Variants in PTPRD observed in about 807,000 individuals in gnomAD.
PTPRD encodes receptor-type tyrosine-protein phosphatase delta.
Under a neutral mutation model 214.5 loss-of-function variants are expected in PTPRD, and 34 were observed. The observed-to-expected ratio is 0.16, with a 90% confidence interval of 0.12 to 0.21. PTPRD has a LOEUF of 0.21. PTPRD is among the 10% of genes least tolerant of loss of function. The probability of loss-of-function intolerance (pLI) is 1.00; values close to 1 mark genes in which losing one functional copy is unlikely to be tolerated. For missense variants in PTPRD, 2,545 were observed against 2,398.7 expected, an observed-to-expected ratio of 1.06 and a Z score of -1.27; for synonymous variants, 1,128 against 845.7, an observed-to-expected ratio of 1.33 and a Z score of -5.79.
At chr9:10,114,793 T>C (rs928980435) in intron 3 of PTPRD, among the ~76,000 whole-genome samples, 1 of 152,058 alleles carries the variant, frequency 6.6e-6, no homozygotes, top group Non-Finnish European at 1.5e-5. Context: ...AACATGTTTT[T>C]AATAATACAT....
At chr9:8,962,676 C>A (rs980051907) in intron 11 of PTPRD, 1 of 151,838 alleles carries the variant, frequency 6.6e-6, no homozygotes, top group Non-Finnish European at 1.5e-5. Flanking sequence ...ACTAAAATTA[C>A]CATATTCTAA....
At chr9:10,590,832 A>T (rs113554330) in intron 2 of PTPRD, among the ~76,000 whole-genome samples, 3,218 of 151,802 alleles carry the variant, frequency 0.021, 112 homozygotes, top group African/African-American at 0.073. Context: ...AAACTACATA[A>T]GTCACTATTA....
At chr9:10,307,412 T>C (rs1256484523) in intron 3 of PTPRD, among the ~76,000 whole-genome samples, 3 of 152,114 alleles carry the variant, frequency 2.0e-5, no homozygotes, top group Non-Finnish European at 4.4e-5. Context: ...ACTGTGTTCT[T>C]TCTTATGGCT....
intron 5 of PTPRD, among the ~76,000 whole-genome samples, chr9:9,782,698 G>A (rs544465778): frequency 6.6e-6 from 1 of 152,104 alleles, no homozygotes; most frequent in Non-Finnish European, 1.5e-5. Context: ...GAAACAAAAG[G>A]TTATGTGGGA....
intron 11 of PTPRD, among the ~76,000 whole-genome samples, chr9:8,817,846 T>C (rs2096953691): frequency 6.6e-6 from 1 of 152,170 alleles, no homozygotes; most frequent in Non-Finnish European, 1.5e-5. Context: ...TGACCAGATT[T>C]TGCTCCAAAA....
chr9:8,590,843 C>T (rs1009486467), intron 14 of PTPRD, among the ~76,000 whole-genome samples: 23 of 152,230 alleles, frequency 1.5e-4, no homozygotes, highest in African/African-American at 5.5e-4. Flanking sequence ...GTCACAAACT[C>T]GATGGCTTAA....
intron 5 of PTPRD, among the ~76,000 whole-genome samples, chr9:9,838,136 T>A (rs2057336557): frequency 6.6e-6 from 1 of 152,214 alleles, no homozygotes; most frequent in Non-Finnish European, 1.5e-5. Context: ...CCATGGTGTA[T>A]TTGTGCCACA....
intron 39 of PTPRD, among the ~76,000 whole-genome samples, chr9:8,360,042 T>C (rs533132329): frequency 2.0e-5 from 3 of 152,262 alleles, no homozygotes; most frequent in Non-Finnish European, 4.4e-5. Flanking sequence ...GGTGTCATCA[T>C]GTTTATTCCA....
At chr9:8,903,824 T>C (rs1355279047) in intron 11 of PTPRD, among the ~76,000 whole-genome samples, 1 of 146,966 alleles carries the variant, frequency 6.8e-6, no homozygotes, top group Non-Finnish European at 1.5e-5. Flanking sequence ...GTGAATTGCA[T>C]AAAGTTCATG....
At chr9:10,499,694 C>T (rs1001767950) in intron 2 of PTPRD, among the ~76,000 whole-genome samples, 9 of 151,754 alleles carry the variant, frequency 5.9e-5, no homozygotes, top group Admixed American at 5.3e-4. Context: ...ATTCTGAGGT[C>T]TTATTTTCAA....
At chr9:10,084,916 T>A (rs1475099258) in intron 3 of PTPRD, among the ~76,000 whole-genome samples, 1 of 151,672 alleles carries the variant, frequency 6.6e-6, no homozygotes, top group Non-Finnish European at 1.5e-5. Flanking sequence ...TCAATAGGAG[T>A]CTCAACTCTC....
intron 5 of PTPRD, among the ~76,000 whole-genome samples, chr9:9,775,872 T>C (rs2821500): frequency 0.47 from 69,069 of 147,824 alleles, 16,279 homozygotes; most frequent in East Asian, 0.7. Flanking sequence ...AGGAGAATGG[T>C]GTGAACCAGG....
intron 35 of PTPRD, among the ~76,000 whole-genome samples, chr9:8,419,321 A>G (rs566629701): frequency 2.0e-5 from 3 of 152,026 alleles, no homozygotes; most frequent in African/African-American, 4.8e-5. Context: ...GAAAAAGACA[A>G]TATGTTTGAG....
chr9:8,703,329 G>A (rs890223652), intron 12 of PTPRD, among the ~76,000 whole-genome samples: 1 of 152,130 alleles, frequency 6.6e-6, no homozygotes, highest in African/African-American at 2.4e-5. Flanking sequence ...GCTTTGAATT[G>A]TCTGAGTTAA....
chr9:9,365,164 T>C (rs898411213), intron 9 of PTPRD, among the ~76,000 whole-genome samples: 2 of 151,448 alleles, frequency 1.3e-5, no homozygotes, highest in Non-Finnish European at 3.0e-5. Flanking sequence ...AAATACAAAA[T>C]ATTGGATCAC....
chr9:10,292,579 A>G (rs746822031), intron 3 of PTPRD, among the ~76,000 whole-genome samples: 1 of 152,052 alleles, frequency 6.6e-6, no homozygotes, highest in Non-Finnish European at 1.5e-5. Context: ...AACATGTAAC[A>G]TAAGAGAGGA....
At chr9:9,236,826 C>T (rs1230098039) in intron 9 of PTPRD, among the ~76,000 whole-genome samples, 1 of 151,964 alleles carries the variant, frequency 6.6e-6, no homozygotes, top group Non-Finnish European at 1.5e-5. Context: ...GTGTGTTAAG[C>T]CCCACTGTGG....
At chr9:10,029,276 G>A (rs964178627) in intron 4 of PTPRD, among the ~76,000 whole-genome samples, 10 of 152,210 alleles carry the variant, frequency 6.6e-5, no homozygotes, top group African/African-American at 2.4e-4. Context: ...GAAATGTGGG[G>A]TTGGAGCCCC....
At chr9:9,230,958 T>A (rs913510668) in intron 9 of PTPRD, among the ~76,000 whole-genome samples, 1 of 152,098 alleles carries the variant, frequency 6.6e-6, no homozygotes, top group Non-Finnish European at 1.5e-5. Flanking sequence ...AGAACGTGAA[T>A]ACTTCAAATA....
Sources: allele counts gnomAD v4.1 joint callset (sites outside exome capture counted in the v4.1 genomes callset), GRCh38; gene constraint gnomAD v4.1.1; transcripts MANE v1.5; gene names NCBI Gene and HGNC (gene_info 2026-07-23, HGNC 2026-07-21).